Variants in DDX39B observed in about 807,000 individuals in gnomAD.
The protein encoded by DDX39B is DExD-box helicase 39B.
In DDX39B, 6 loss-of-function variants were observed where a neutral mutation model predicts 46.4. That is an observed-to-expected ratio of 0.13 (90% confidence interval 0.07 to 0.26). DDX39B has a LOEUF of 0.26. Ranked by LOEUF, DDX39B falls within the 10% of genes least tolerant of loss-of-function variation. The probability of loss-of-function intolerance (pLI) is 1.00; values close to 1 mark genes in which losing one functional copy is unlikely to be tolerated. For synonymous variants in DDX39B, 174 were observed against 199.4 expected (o/e 0.87, Z 1.07); for missense variants, 185 against 553.4 (o/e 0.33, Z 6.68).
chr6:31,540,873 T>C (rs1768339253), intron 1 of DDX39B: 4 of 425,504 alleles, frequency 9.4e-6, no homozygotes, highest in Non-Finnish European at 1.7e-5. Context: ...CCAACAAGAT[T>C]AGCAATCACA....
At chr6:31,538,636 A>C (rs964591951) in intron 4 of DDX39B, 127 bp downstream of exon 4, 2 of 809,582 alleles carry the variant, frequency 2.5e-6, no homozygotes, top group African/African-American at 3.4e-5. Flanking sequence ...TTACATAGGA[A>C]CTCAACACTC....
Position 31,540,576 on chromosome 6 carries a change from T to C in DDX39B, c.-44A>G, listed in dbSNP as rs1293520035. ...AGAAGGGAAGGGGGATCTGGATGGG[T>C]TCTCGCAAAATAGGTGAAAACAAGG... is the stretch of plus-strand genomic sequence containing the variant. On this transcript the variant is annotated 5_prime_UTR_variant, in exon 2 of 11. Transcript: ENST00000396172. 6 of 1,599,968 alleles carry C rather than the reference T, an allele frequency of 3.8e-6. No homozygotes were observed. In the East Asian group the frequency reaches 1.3e-4, roughly 36 times the overall value.
Position 31,535,087 on chromosome 6 carries a change from G to C in DDX39B, c.735+280C>G. On this transcript the variant is annotated intron_variant, in intron 6 of 10. Coordinates refer to ENST00000396172, the MANE Select transcript of DDX39B (RefSeq NM_004640.7). This position sits in a 1 kb window ranked among gnomAD's most constrained non-coding sequence, Gnocchi z 4.6. ...CAGAAAAATCCTGCCCTCCCCCAAA[G>C]GGAGAAGAGGTTCAAAAATGTTGTG... 2.0e-6 allele frequency: 1 copy of C among 497,014 alleles called. No individual in the cohort carries two copies. The allele number at this position is 497,014 out of a possible 1,614,324, so 30.8% of individuals were successfully genotyped here. A position where few individuals can be genotyped will look rare whatever the true frequency, so the allele number is the denominator to read the frequency against.
At position 31,535,267 on chromosome 6, in the gene DDX39B, T is replaced by C; in HGVS notation, c.735+100A>G. The C allele has an allele frequency of 8.3e-7, 1 of 1,197,722 alleles. No homozygotes were observed. The highest frequency in any genetic ancestry group is 1.9e-4 in the Middle Eastern group (1 of 5,250). The allele number at this position is 1,197,722 out of a possible 1,614,324, so 74.2% of individuals were successfully genotyped here. The stretch of plus-strand genomic sequence containing the variant: ...ACTCCCAGTTGGGCACAAGCCGCCT[T>C]CTTGGCACTTGAATGACAAGGGAGT... On this transcript the variant is annotated intron_variant, in intron 6 of 10. Coordinates refer to ENST00000396172, the MANE Select transcript of DDX39B (RefSeq NM_004640.7). The surrounding 1 kb of genome is among the most constrained non-coding windows in gnomAD (Gnocchi z 4.6).
rs1485323720 is a variant in DDX39B, at chr6:31,531,655, TAGG to T, written c.868-253_868-251del. ...CAGAAATCAAAATTGCCAGACATGC[TAGG>T]AGATGAGGATGAGATCACCTCATGA... On this transcript the variant is annotated intron_variant, in intron 7 of 10. Coordinates refer to ENST00000396172, the MANE Select transcript of DDX39B (RefSeq NM_004640.7). This position sits in a 1 kb window ranked among gnomAD's most constrained non-coding sequence, Gnocchi z 5.8. The T allele has an allele frequency of 1.3e-5, 7 of 519,934 alleles. No individual in the cohort carries two copies. The highest frequency in any genetic ancestry group is 7.2e-5 in the Admixed American group (2 of 27,952). The allele number at this position is 519,934 out of a possible 1,614,324, so 32.2% of individuals were successfully genotyped here. A position where few individuals can be genotyped will look rare whatever the true frequency, so the allele number is the denominator to read the frequency against.
chr6:31,541,841 C>A, intron 1 of DDX39B, 109 bp downstream of exon 1: 1 of 643,192 alleles, frequency 1.6e-6, no homozygotes, highest in Non-Finnish European at 2.9e-6. Flanking sequence ...ACCAACTAGG[C>A]CCCAGCGACC....
intron 3 of DDX39B, 25 bp from the exon 4 acceptor site, chr6:31,538,880 A>T: frequency 6.2e-7 from 1 of 1,604,794 alleles, no homozygotes; most frequent in Non-Finnish European, 8.5e-7. Context: ...AGACGGAGAC[A>T]TATGGTAAAT....
At chr6:31,539,092 C>G in intron 3 of DDX39B, 55 bp downstream of exon 3, 3 of 1,613,344 alleles carry the variant, frequency 1.9e-6, no homozygotes, top group Non-Finnish European at 2.5e-6. Context: ...ACAAAAACAC[C>G]CTTCCCTTAT....
intron 6 of DDX39B, 71 bp from the exon 7 acceptor site, chr6:31,532,982 G>A (rs1440602357): frequency 5.9e-6 from 3 of 505,128 alleles, no homozygotes; most frequent in Non-Finnish European, 1.1e-5. Flanking sequence ...GGGGGTGGAG[G>A]AAGTTGATCT....
chr6:31,530,400 GAC>G lies in DDX39B; in HGVS notation c.*32_*33del, dbSNP rs1163358168. ...CCCACCCTGGTGTCCTCTCCTGAAG[GAC>G]AGACGGTCACATTCCAAAATGGGCG... On this transcript the variant is annotated 3_prime_UTR_variant, in exon 11 of 11. Transcript: ENST00000396172. The surrounding 1 kb of genome is among the most constrained non-coding windows in gnomAD (Gnocchi z 4.5). The G allele has an allele frequency of 4.3e-6, 7 of 1,612,594 alleles. No homozygotes were observed. Among genetic ancestry groups the G allele is most frequent in the Non-Finnish European group, 5.9e-6 (7 of 1,179,754 alleles).
rs543309799 is a variant in DDX39B at position 31,535,583 on chromosome 6, T to C, written c.617-98A>G. ...CCAGTGAGGTGAAGATTGCTGGAAA[T>C]AGTAACAACACAATGGAAAGAGCAA... On this transcript the variant is annotated intron_variant, in intron 5 of 10. Transcript: ENST00000396172. This position sits in a 1 kb window ranked among gnomAD's most constrained non-coding sequence, Gnocchi z 4.6. 37 of 878,684 alleles carry C rather than the reference T, an allele frequency of 4.2e-5. No homozygotes were observed. The highest frequency in any genetic ancestry group is 6.6e-5 in the Non-Finnish European group (36 of 545,564). The allele number at this position is 878,684 out of a possible 1,614,324, so 54.4% of individuals were successfully genotyped here.
At chr6:31,541,033 G>A (rs142145092) in intron 1 of DDX39B, 1 of 508,082 alleles carries the variant, frequency 2.0e-6, no homozygotes, top group African/African-American at 2.0e-5. Context: ...GTAGAGTCCT[G>A]AAAAGTCCTC....
At chr6:31,538,017 C>T (rs1349264656) in intron 4 of DDX39B, among the ~76,000 whole-genome samples, 1 of 152,092 alleles carries the variant, frequency 6.6e-6, no homozygotes, top group Non-Finnish European at 1.5e-5. Flanking sequence ...GCCTGAGGGA[C>T]ACAGCGAGAC....
At chr6:31,533,607 TA>T (rs1767440748) in intron 6 of DDX39B, 1 of 152,522 alleles carries the variant, frequency 6.6e-6, no homozygotes, top group Non-Finnish European at 1.5e-5. Context: ...TAAGTGGTGT[TA>T]AAATACCAAA....
intron 1 of DDX39B, 23 bp downstream of exon 1, chr6:31,541,927 T>C (rs1411198497): frequency 1.1e-5 from 7 of 645,544 alleles, no homozygotes; most frequent in Middle Eastern, 4.0e-4. Flanking sequence ...TGGAAACGGA[T>C]TGTAGCGAAG....
intron 1 of DDX39B, chr6:31,540,990 A>G (rs937258681): frequency 2.1e-5 from 9 of 435,902 alleles, no homozygotes; most frequent in Admixed American, 1.1e-4. Flanking sequence ...AATACGACTA[A>G]TAACTTAGTA....
intron 4 of DDX39B, among the ~76,000 whole-genome samples, chr6:31,538,087 T>C (rs1244209116): frequency 6.6e-6 from 1 of 152,128 alleles, no homozygotes; most frequent in African/African-American, 2.4e-5. Flanking sequence ...TCGACCAGAT[T>C]TGTGGCATAA....
At chr6:31,541,604 G>A (rs1168771989) in intron 1 of DDX39B, 1 of 474,480 alleles carries the variant, frequency 2.1e-6, no homozygotes, top group South Asian at 1.5e-5. Context: ...GGACAAGGAA[G>A]GTGAGAAGAG....
chr6:31,540,939 G>A (rs1291995064), intron 1 of DDX39B: 1 of 414,530 alleles, frequency 2.4e-6, no homozygotes, highest in African/African-American at 2.1e-5. Context: ...TTCTTGATCT[G>A]AAAGTAACAG....
Sources: gnomAD v4.1 joint callset for allele counts (sites outside exome capture counted in the v4.1 genomes callset) on GRCh38, gnomAD v4.1.1 for gene constraint, Gnocchi (gnomAD v3.1) non-coding constraint, MANE v1.5 for transcripts, NCBI Gene and HGNC (gene_info 2026-07-23, HGNC 2026-07-21) for gene names.